Variants in PRKCE observed in about 807,000 individuals in gnomAD.
The protein encoded by PRKCE is protein kinase C epsilon, also known as protein kinase C epsilon type.
Under a neutral mutation model 85.4 loss-of-function variants are expected in PRKCE, and 16 were observed. The observed-to-expected ratio is 0.19, with a 90% CI of 0.13 to 0.28. The LOEUF (loss-of-function observed/expected upper bound fraction) is 0.28. Among genes scored for constraint, PRKCE ranks in the 10% least tolerant of loss-of-function variants. PRKCE has a pLI of 1.00. For synonymous variants in PRKCE, 388 were observed against 371.5 expected, an observed-to-expected ratio of 1.04 and a Z score of -0.51; for missense variants, 573 against 975.2, an observed-to-expected ratio of 0.59 and a Z score of 5.49.
chr2:45,846,545 G>A (rs1203664636), intron 2 of PRKCE, among the ~76,000 whole-genome samples: 1 of 152,132 alleles, frequency 6.6e-6, no homozygotes, highest in Non-Finnish European at 1.5e-5. Context: ...TTTGCAACAC[G>A]TACCTCACAA....
chr2:45,885,784 T>C (rs1201915379), intron 2 of PRKCE, among the ~76,000 whole-genome samples: 1 of 152,222 alleles, frequency 6.6e-6, no homozygotes, highest in Non-Finnish European at 1.5e-5. Flanking sequence ...TAAAAACAAA[T>C]CCACAAATTT....
chr2:45,746,378 C>G (rs1683137248), intron 1 of PRKCE, among the ~76,000 whole-genome samples: 2 of 152,236 alleles, frequency 1.3e-5, no homozygotes, highest in African/African-American at 4.8e-5. Flanking sequence ...TGCAGCCTTT[C>G]TGGTCCTCAC....
intron 1 of PRKCE, among the ~76,000 whole-genome samples, chr2:45,791,044 G>A (rs981016106): frequency 3.3e-5 from 5 of 152,152 alleles, no homozygotes; most frequent in Non-Finnish European, 4.4e-5. Context: ...CTCCACCTCC[G>A]CACAAACGTC....
intron 10 of PRKCE, among the ~76,000 whole-genome samples, chr2:46,048,735 G>A (rs1183284678): frequency 1.3e-5 from 2 of 152,184 alleles, no homozygotes; most frequent in African/African-American, 4.8e-5. Context: ...CTTTTCCTTA[G>A]GGTAGGAAAT....
chr2:45,989,837 C>A (rs1251362077), intron 6 of PRKCE, among the ~76,000 whole-genome samples: 2 of 152,114 alleles, frequency 1.3e-5, no homozygotes, highest in African/African-American at 2.4e-5. Context: ...ACTGTTCTTA[C>A]TGTCAAAGAT....
chr2:46,036,967 A>C (rs1707902850), intron 10 of PRKCE, among the ~76,000 whole-genome samples: 1 of 152,190 alleles, frequency 6.6e-6, no homozygotes, highest in South Asian at 2.1e-4. Flanking sequence ...ACCTTGGCCC[A>C]GGCCCTGGTA....
intron 1 of PRKCE, among the ~76,000 whole-genome samples, chr2:45,695,840 G>A (rs1318734909): frequency 6.6e-6 from 1 of 152,222 alleles, no homozygotes; most frequent in South Asian, 2.1e-4. Flanking sequence ...ATGGGGAAGA[G>A]GGTGGAGAGC....
At chr2:45,678,554 C>T (rs1434040192) in intron 1 of PRKCE, among the ~76,000 whole-genome samples, 1 of 145,572 alleles carries the variant, frequency 6.9e-6, no homozygotes, top group Admixed American at 6.8e-5. Context: ...TGTATTAAAA[C>T]TAATATCATG....
chr2:45,666,618 A>C (rs1157423721), intron 1 of PRKCE, among the ~76,000 whole-genome samples: 2 of 152,028 alleles, frequency 1.3e-5, no homozygotes, highest in African/African-American at 4.8e-5. Context: ...TTGGGCGATC[A>C]TTCCCAGAAT....
At position 45,697,399 on chromosome 2, in the gene PRKCE, A is replaced by G. The variant is rs1432452617; in HGVS notation, c.348+44951A>G. On this transcript the variant is annotated intron_variant, in intron 1 of 14. Transcript: ENST00000306156. This position sits in a 1 kb window ranked among gnomAD's most constrained non-coding sequence, Gnocchi z 4.2. ...CTCTGACCTTCTATTGTTTTTGGCC[A>G]AAATATGAGTGAAAATCCATTTTAT... Among the ~76,000 whole-genome samples the G allele has an allele frequency of 2.6e-5, 4 of 152,144 alleles. No individual in the cohort carries two copies. The highest frequency in any genetic ancestry group is 6.5e-5 in the Admixed American group (1 of 15,284).
chr2:45,678,904 C>G (rs1173434021), intron 1 of PRKCE, among the ~76,000 whole-genome samples: 2 of 152,110 alleles, frequency 1.3e-5, no homozygotes, highest in Non-Finnish European at 2.9e-5. Context: ...TCAGGTTCAT[C>G]CTTGTTGAGG....
chr2:46,008,351 C>T (rs1705381205), intron 9 of PRKCE, among the ~76,000 whole-genome samples: 1 of 152,122 alleles, frequency 6.6e-6, no homozygotes, highest in Non-Finnish European at 1.5e-5. Context: ...ATTCCGATGG[C>T]TGGGTGAGAT....
At position 46,082,219 on chromosome 2, in the gene PRKCE, G is replaced by T. The variant is rs560065742; in HGVS notation, c.1438-3989G>T. On this transcript the variant is annotated intron_variant, in intron 10 of 14. Transcript: ENST00000306156. ...AAATGTGGGGAGCATCAGAAGCAAG[G>T]CATCTGCAAGAATCTAGACAAGGGA... 2.0e-5 allele frequency among the ~76,000 whole-genome samples: 3 copies of T among 152,248 alleles called. No individual in the cohort carries two copies. In the South Asian group the frequency reaches 6.2e-4, roughly 32 times the overall value.
intron 2 of PRKCE, among the ~76,000 whole-genome samples, chr2:45,960,708 A>G (rs1188812246): frequency 1.3e-5 from 2 of 152,178 alleles, no homozygotes; most frequent in African/African-American, 4.8e-5. Context: ...CCCCTGCTGT[A>G]AATGGTGCCT....
chr2:45,900,411 A>G (rs182453612), intron 2 of PRKCE, among the ~76,000 whole-genome samples: 11 of 152,378 alleles, frequency 7.2e-5, no homozygotes, highest in African/African-American at 2.6e-4. Flanking sequence ...TGGTCTATAC[A>G]TGCAGTGGAA....
At chr2:46,096,635 G>A (rs945988447) in intron 11 of PRKCE, among the ~76,000 whole-genome samples, 1 of 152,210 alleles carries the variant, frequency 6.6e-6, no homozygotes. Context: ...AGACTCAAAA[G>A]AAACCAACCC....
chr2:45,668,227 G>C (rs1221574388), intron 1 of PRKCE, among the ~76,000 whole-genome samples: 1 of 152,132 alleles, frequency 6.6e-6, no homozygotes, highest in African/African-American at 2.4e-5. Context: ...TGTACTCTCA[G>C]CTACTCAGGA....
intron 1 of PRKCE, among the ~76,000 whole-genome samples, chr2:45,842,427 A>G (rs1338876969): frequency 6.6e-6 from 1 of 152,184 alleles, no homozygotes; most frequent in Non-Finnish European, 1.5e-5. Context: ...TAAAAGCAGG[A>G]GTAGTGTCTT....
chr2:46,174,314 C>T (rs759411993), intron 14 of PRKCE, among the ~76,000 whole-genome samples: 8 of 152,220 alleles, frequency 5.3e-5, no homozygotes, highest in East Asian at 1.9e-4. Flanking sequence ...GCTTAAAAAG[C>T]AAGTGGGTCT....
Sources: gnomAD v4.1 joint callset for allele counts (sites outside exome capture counted in the v4.1 genomes callset) on GRCh38, gnomAD v4.1.1 for gene constraint, Gnocchi (gnomAD v3.1) non-coding constraint, MANE v1.5 for transcripts, NCBI Gene and HGNC (gene_info 2026-07-23, HGNC 2026-07-21) for gene names.